GRAMD1B: variants seen among roughly 807,000 people sequenced by gnomAD.
GRAMD1B encodes GRAM domain containing 1B, also known as protein Aster-B.
Under a neutral mutation model 99.7 loss-of-function variants are expected in GRAMD1B, and 37 were observed. That is an observed-to-expected ratio of 0.37 (90% confidence interval 0.29 to 0.49). The LOEUF is 0.49. Ranked by LOEUF, GRAMD1B falls within the 20% of genes least tolerant of loss-of-function variation. The pLI is 0.98. For missense variants in GRAMD1B, 888 were observed against 1,009.2 expected, an observed-to-expected ratio of 0.88 and a Z score of 1.63; for synonymous variants, 427 against 387.6, an observed-to-expected ratio of 1.10 and a Z score of -1.19.
At chr11:123,432,930 G>A (rs1244401797) in intron 1 of GRAMD1B, among the ~76,000 whole-genome samples, 1 of 152,176 alleles carries the variant, frequency 6.6e-6, no homozygotes, top group Non-Finnish European at 1.5e-5. Context: ...TGCAGATACA[G>A]AGCTTTGTTC....
intron 2 of GRAMD1B, among the ~76,000 whole-genome samples, chr11:123,556,666 C>A (rs749464138): frequency 1.4e-4 from 22 of 152,112 alleles, no homozygotes; most frequent in Non-Finnish European, 2.8e-4. Flanking sequence ...AGAAAGGTAC[C>A]CACTTTTACC....
intron 1 of GRAMD1B, among the ~76,000 whole-genome samples, chr11:123,363,619 G>T (rs1565449622): frequency 6.6e-6 from 1 of 151,012 alleles, no homozygotes; most frequent in Non-Finnish European, 1.5e-5. Context: ...TCCAGACTTT[G>T]TGAGCCCTCA....
At chr11:123,568,518 A>G (rs1053262247) in intron 2 of GRAMD1B, among the ~76,000 whole-genome samples, 1 of 152,246 alleles carries the variant, frequency 6.6e-6, no homozygotes, top group Non-Finnish European at 1.5e-5. Context: ...GAGAGGGGAC[A>G]AGAGGTTCAT....
intron 1 of GRAMD1B, among the ~76,000 whole-genome samples, chr11:123,451,069 G>C (rs891133832): frequency 2.0e-5 from 3 of 152,222 alleles, no homozygotes; most frequent in African/African-American, 7.2e-5. Flanking sequence ...CGTCCCATCA[G>C]GGTGGCAGAG....
chr11:123,436,765 T>A (rs1292668037), intron 1 of GRAMD1B, among the ~76,000 whole-genome samples: 3 of 152,338 alleles, frequency 2.0e-5, no homozygotes, highest in Admixed American at 6.5e-5. Context: ...AATTTTTTTT[T>A]ATTATACTTT....
chr11:123,369,607 C>T (rs900213389), intron 1 of GRAMD1B, among the ~76,000 whole-genome samples: 1 of 152,158 alleles, frequency 6.6e-6, no homozygotes, highest in Non-Finnish European at 1.5e-5. Context: ...CACGGTGGCT[C>T]ATGCCTGCCA....
chr11:123,528,480 CA>C (rs1943021765), intron 2 of GRAMD1B, among the ~76,000 whole-genome samples: 1 of 152,148 alleles, frequency 6.6e-6, no homozygotes, highest in Admixed American at 6.5e-5. Context: ...ACATGGAGCT[CA>C]CAGTGTTATG....
Position 123,587,534 on chromosome 11 carries a change from T to C in GRAMD1B, c.684+3202T>C, listed in dbSNP as rs114209520. On this transcript the variant is annotated intron_variant, in intron 4 of 19. Transcript: ENST00000635736. The surrounding 1 kb of genome is among the most constrained non-coding windows in gnomAD (Gnocchi z 4.2). ...GCCACTGGGGCAAGAGGGGTGAAAT[T>C]TACTCCCCCTCAGCCCCCAACGGGG... Among the ~76,000 whole-genome samples the C allele has an allele frequency of 0.029, 4,414 of 152,208 alleles. 188 individuals are homozygous for C. The highest frequency in any genetic ancestry group is 0.095 in the African/African-American group (3,939 of 41,498).
chr11:123,410,199 G>GCAAAAA (rs574042061), intron 1 of GRAMD1B, among the ~76,000 whole-genome samples: 3 of 149,974 alleles, frequency 2.0e-5, no homozygotes, highest in Admixed American at 2.0e-4. Flanking sequence ...GCTTATAAAA[G>GCAAAAA]CAAAAACAAA....
At chr11:123,370,485 C>T (rs1946489959) in intron 1 of GRAMD1B, among the ~76,000 whole-genome samples, 1 of 151,796 alleles carries the variant, frequency 6.6e-6, no homozygotes, top group African/African-American at 2.4e-5. Context: ...GGACTACAGT[C>T]ACATGCCACC....
intron 1 of GRAMD1B, among the ~76,000 whole-genome samples, chr11:123,477,366 A>T (rs1384689375): frequency 6.9e-6 from 1 of 145,536 alleles, no homozygotes; most frequent in African/African-American, 2.6e-5. Flanking sequence ...AGAGTGGTAA[A>T]TGGAAAATGG....
intron 1 of GRAMD1B, among the ~76,000 whole-genome samples, chr11:123,438,451 T>C (rs1949263575): frequency 6.6e-6 from 1 of 151,508 alleles, no homozygotes; most frequent in South Asian, 2.1e-4. Context: ...ATTGAGGAGA[T>C]GTGTGTGAGG....
At chr11:123,560,507 G>C in intron 2 of GRAMD1B, 2 of 1,251,918 alleles carry the variant, frequency 1.6e-6, no homozygotes, top group South Asian at 2.7e-5. Flanking sequence ...TTAGAAACAG[G>C]GCTTTGGGAT....
chr11:123,380,617 G>A lies in GRAMD1B; in HGVS notation c.-176+21818G>A, dbSNP rs139587176. ...GACGGATGGACCCTTTGTAGTTGGC[G>A]TTAGGTGATAAAGAGAATAGGAGGC... On this transcript the variant is annotated intron_variant, in intron 1 of 20. Transcript: ENST00000638157. Among the ~76,000 whole-genome samples, 1,110 of 152,274 alleles carry A rather than the reference G, an allele frequency of 7.3e-3. 6 individuals carry two copies. Among genetic ancestry groups the A allele is most frequent in the Middle Eastern group, 0.017 (5 of 294 alleles).
At chr11:123,385,600 G>A (rs543855369) in intron 1 of GRAMD1B, among the ~76,000 whole-genome samples, 7 of 152,156 alleles carry the variant, frequency 4.6e-5, no homozygotes, top group Admixed American at 2.0e-4. Context: ...GCCCTTCCCA[G>A]CCCCACAAGC....
chr11:123,392,643 G>C (rs1947321823), intron 1 of GRAMD1B, among the ~76,000 whole-genome samples: 1 of 152,084 alleles, frequency 6.6e-6, no homozygotes, highest in East Asian at 1.9e-4. Flanking sequence ...TATAAAGTCT[G>C]TGTCTTAGTC....
chr11:123,462,763 C>T (rs901155576), intron 1 of GRAMD1B, among the ~76,000 whole-genome samples: 1 of 151,880 alleles, frequency 6.6e-6, no homozygotes, highest in African/African-American at 2.4e-5. Flanking sequence ...GCAGGGTCCT[C>T]TGCCTAGGAA....
intron 2 of GRAMD1B, chr11:123,526,039 G>GTTCT (rs1217403394): frequency 2.2e-6 from 2 of 897,920 alleles, no homozygotes; most frequent in Admixed American, 3.9e-5. Flanking sequence ...CACATTACAT[G>GTTCT]GGATTCTGTT....
intron 2 of GRAMD1B, among the ~76,000 whole-genome samples, chr11:123,552,583 AC>A (rs1375995900): frequency 6.6e-6 from 1 of 152,130 alleles, no homozygotes; most frequent in Non-Finnish European, 1.5e-5. Context: ...AATTTTCAAA[AC>A]CAAAAAGATT....
Sources: gnomAD v4.1 joint callset for allele counts (sites outside exome capture counted in the v4.1 genomes callset) on GRCh38, gnomAD v4.1.1 for gene constraint, Gnocchi (gnomAD v3.1) non-coding constraint, MANE v1.5 for transcripts, NCBI Gene and HGNC (gene_info 2026-07-23, HGNC 2026-07-21) for gene names.